Variants in ZFHX3 observed in about 807,000 individuals in gnomAD.
The protein encoded by ZFHX3 is zinc finger homeobox 3.
ZFHX3 carries 42 observed loss-of-function variants against 279.1 expected under a neutral mutation model. That is an observed-to-expected ratio of 0.15 (90% CI 0.12 to 0.19). ZFHX3 has a LOEUF of 0.19. ZFHX3 is among the 10% of genes least tolerant of loss of function. The probability of loss-of-function intolerance (pLI) is 1.00; values close to 1 mark genes in which losing one functional copy is unlikely to be tolerated. For synonymous variants in ZFHX3, 2,293 were observed against 1,957.8 expected (o/e 1.17, Z -4.52); for missense variants, 4,981 against 4,754.0 (o/e 1.05, Z -1.40).
chr16:73,631,927 T>TCTCTCTCACACACA (rs1437204921), intron 2 of ZFHX3, among the ~76,000 whole-genome samples: 32 of 136,812 alleles, frequency 2.3e-4, no homozygotes, highest in African/African-American at 9.3e-4. Flanking sequence ...TCTCTCTCTC[T>TCTCTCTCACACACA]CACACACACA....
intron 2 of ZFHX3, among the ~76,000 whole-genome samples, chr16:73,489,428 T>C (rs551817309): frequency 7.9e-5 from 12 of 152,328 alleles, no homozygotes; most frequent in African/African-American, 2.2e-4. Flanking sequence ...TCATTCCATT[T>C]AGGGCTTTTT....
intron 5 of ZFHX3, among the ~76,000 whole-genome samples, chr16:73,200,440 C>A (rs368588285): frequency 6.6e-6 from 1 of 152,032 alleles, no homozygotes. Context: ...ATCGAATAAT[C>A]ATATGAAAAA....
intron 7 of ZFHX3, among the ~76,000 whole-genome samples, chr16:73,100,392 C>G (rs531568635): frequency 8.5e-5 from 13 of 152,236 alleles, no homozygotes; most frequent in East Asian, 1.9e-4. Context: ...AACGGGCATG[C>G]CTTTTTCTTT....
At chr16:73,695,898 C>G (rs988816953) in intron 1 of ZFHX3, among the ~76,000 whole-genome samples, 3 of 152,014 alleles carry the variant, frequency 2.0e-5, no homozygotes, top group Non-Finnish European at 4.4e-5. Context: ...CGTAAGGGGC[C>G]CAAAGAACAA....
At position 73,554,593 on chromosome 16, in the gene ZFHX3, A is replaced by G. The variant is rs530971896; in HGVS notation, c.-1546-98335T>C. 6 of 152,304 alleles carry G rather than the reference A, an allele frequency of 3.9e-5. No individual in the cohort carries two copies. The South Asian group carries it at 1.2e-3, about 32-fold the overall frequency. The allele number at this position is 152,304 out of a possible 1,614,324, so 9.4% of individuals were successfully genotyped here. ...TAGAATAAAACTTTCATTTTTAAAT[A>G]TTAGTTATTAAGATTCCTTTTATGG... is the stretch of plus-strand genomic sequence containing the variant. On this transcript the variant is annotated intron_variant, in intron 2 of 17. Transcript: ENST00000641206.
chr16:72,949,537 C>T (rs930871776), intron 3 of ZFHX3, among the ~76,000 whole-genome samples: 2 of 152,080 alleles, frequency 1.3e-5, no homozygotes, highest in Non-Finnish European at 2.9e-5. Flanking sequence ...GGACTATTTA[C>T]AGTATCCGGA....
chr16:73,784,532 A>C (rs1490984461), intron 1 of ZFHX3, among the ~76,000 whole-genome samples: 1 of 152,060 alleles, frequency 6.6e-6, no homozygotes, highest in Non-Finnish European at 1.5e-5. Context: ...GCAGATCATG[A>C]GGTCAAGAGA....
chr16:73,447,336 T>A lies in ZFHX3; in HGVS notation c.-1291+8667A>T, dbSNP rs549906659. Among the ~76,000 whole-genome samples, 36 of 152,144 alleles carry A rather than the reference T, an allele frequency of 2.4e-4. No homozygotes were observed. In the South Asian group the frequency reaches 7.3e-3, roughly 31 times the overall value. ...GCCATAATCTTCAAAAAAAGTCAGC[T>A]TGGGAAGAGTAGGACAATGATTTTG... is the stretch of plus-strand genomic sequence containing the variant. On this transcript the variant is annotated intron_variant, in intron 3 of 17. Coordinates refer to the ZFHX3 transcript ENST00000641206.
intron 6 of ZFHX3, among the ~76,000 whole-genome samples, chr16:73,134,862 T>A (rs2144824752): frequency 6.6e-6 from 1 of 152,252 alleles, no homozygotes; most frequent in Non-Finnish European, 1.5e-5. Flanking sequence ...CATCATGTGA[T>A]TTTTTCTCTT....
chr16:73,340,513 C>T (rs531531170), intron 3 of ZFHX3, among the ~76,000 whole-genome samples: 15 of 152,284 alleles, frequency 9.9e-5, no homozygotes, highest in African/African-American at 3.1e-4. Flanking sequence ...CATGCCATCA[C>T]GTCCAGCTAC....
intron 1 of ZFHX3, among the ~76,000 whole-genome samples, chr16:73,704,553 C>A (rs1471473957): frequency 6.6e-6 from 1 of 152,172 alleles, no homozygotes; most frequent in Non-Finnish European, 1.5e-5. Context: ...TACCAATGGG[C>A]TCACGTATGT....
intron 1 of ZFHX3, among the ~76,000 whole-genome samples, chr16:73,024,559 C>G (rs576947233): frequency 1.3e-4 from 20 of 152,286 alleles, no homozygotes; most frequent in Admixed American, 8.5e-4. Context: ...CACTGGTTCT[C>G]GAGGACTGGG....
chr16:73,390,739 T>G (rs1175293029), intron 3 of ZFHX3, among the ~76,000 whole-genome samples: 1 of 152,052 alleles, frequency 6.6e-6, no homozygotes, highest in East Asian at 1.9e-4. Flanking sequence ...GGATGGACCC[T>G]TTTCTTTCAT....
chr16:73,675,229 A>C (rs918727417), intron 2 of ZFHX3, among the ~76,000 whole-genome samples: 2 of 152,114 alleles, frequency 1.3e-5, no homozygotes, highest in African/African-American at 2.4e-5. Flanking sequence ...ATATTCTCAC[A>C]AGGCATGGGA....
At chr16:72,953,196 G>A (rs866128049) in intron 2 of ZFHX3, among the ~76,000 whole-genome samples, 1 of 152,030 alleles carries the variant, frequency 6.6e-6, no homozygotes, top group African/African-American at 2.4e-5. Flanking sequence ...AGAAGGCTTA[G>A]GAAGCTTTCG....
chr16:73,163,985 C>T (rs1401320459), intron 5 of ZFHX3, among the ~76,000 whole-genome samples: 1 of 152,002 alleles, frequency 6.6e-6, no homozygotes, highest in African/African-American at 2.4e-5. Flanking sequence ...GGCAGATGAC[C>T]GTCAGAGAGG....
At chr16:73,491,529 G>A (rs774761669) in intron 2 of ZFHX3, among the ~76,000 whole-genome samples, 40 of 152,292 alleles carry the variant, frequency 2.6e-4, no homozygotes, top group Non-Finnish European at 4.3e-4. Flanking sequence ...TCAGAAATCC[G>A]TGGCATCCTC....
rs535372611 is a variant in ZFHX3, at chr16:73,566,747, C to T, written c.-1546-110489G>A. Among the ~76,000 whole-genome samples, 77 of 146,506 alleles carry T rather than the reference C, an allele frequency of 5.3e-4. 1 individual carries two copies. The South Asian group carries it at 0.015, about 29-fold the overall frequency. The stretch of plus-strand genomic sequence containing the variant: ...TTCACTCTTGTTGTCCAGGCTGGAG[C>T]GCAATGGGTGGCGCGATCTCGGCTC... On this transcript the variant is annotated intron_variant, in intron 2 of 17. Coordinates refer to the ZFHX3 transcript ENST00000641206.
intron 2 of ZFHX3, among the ~76,000 whole-genome samples, chr16:73,601,510 C>T (rs1444199218): frequency 6.6e-6 from 1 of 151,530 alleles, no homozygotes; most frequent in Non-Finnish European, 1.5e-5. Flanking sequence ...TATTTTAACT[C>T]ATCATGTGGT....
Sources: allele counts gnomAD v4.1 joint callset (sites outside exome capture counted in the v4.1 genomes callset), GRCh38; gene constraint gnomAD v4.1.1; transcripts MANE v1.5; gene names NCBI Gene and HGNC (gene_info 2026-07-23, HGNC 2026-07-21).